Variants in ZEB2 observed in about 807,000 individuals in gnomAD.
ZEB2 encodes the protein zinc finger E-box-binding homeobox 2.
ZEB2 carries 6 observed loss-of-function variants against 99.9 expected under a neutral mutation model. The ratio of observed to expected loss-of-function variants is 0.06; its 90% CI spans 0.03 to 0.12. ZEB2 has a LOEUF of 0.12. ZEB2 is among the 10% of genes least tolerant of loss of function. The probability of loss-of-function intolerance (pLI) is 1.00; values close to 1 mark genes in which losing one functional copy is unlikely to be tolerated. For synonymous variants in ZEB2, 517 were observed against 542.5 expected, an observed-to-expected ratio of 0.95 and a Z score of 0.65; for missense variants, 969 against 1,502.8, an observed-to-expected ratio of 0.64 and a Z score of 5.87.
chr2:144,436,277 T>TAACA (rs1194508798), intron 2 of ZEB2, among the ~76,000 whole-genome samples: 2 of 152,212 alleles, frequency 1.3e-5, no homozygotes, highest in Non-Finnish European at 2.9e-5. Context: ...ATTGTTAACA[T>TAACA]ACTATAGTCA....
chr2:144,502,914 T>C (rs1381330228), intron 2 of ZEB2, among the ~76,000 whole-genome samples: 1 of 152,214 alleles, frequency 6.6e-6, no homozygotes, highest in East Asian at 1.9e-4. Context: ...ATAGGCTTTC[T>C]TTTATTACTG....
chr2:144,451,456 G>A (rs1271213932), intron 2 of ZEB2, among the ~76,000 whole-genome samples: 2 of 152,186 alleles, frequency 1.3e-5, no homozygotes, highest in Non-Finnish European at 2.9e-5. Context: ...AGTTAAAGGT[G>A]TTATTAGGCC....
chr2:144,512,251 G>A (rs1406718519), intron 2 of ZEB2: 2 of 1,287,058 alleles, frequency 1.6e-6, no homozygotes, highest in Non-Finnish European at 2.0e-6. Flanking sequence ...GAGAGGAAAA[G>A]GACAAAGAAT....
chr2:144,511,629 T>TG, intron 2 of ZEB2: 1 of 1,286,746 alleles, frequency 7.8e-7, no homozygotes, highest in Non-Finnish European at 1.0e-6. Context: ...ATTCAATAGA[T>TG]TTTCCAAGTG....
chr2:144,441,634 A>C (rs1703919551), intron 2 of ZEB2, among the ~76,000 whole-genome samples: 1 of 152,102 alleles, frequency 6.6e-6, no homozygotes, highest in Non-Finnish European at 1.5e-5. Flanking sequence ...ACTGTAAACA[A>C]ATGTACTTAC....
At chr2:144,519,381 C>CA (rs1705228666) in intron 1 of ZEB2, 2 of 152,052 alleles carry the variant, frequency 1.3e-5, no homozygotes, top group South Asian at 4.1e-4. Flanking sequence ...GCTAAGCAGA[C>CA]AAAAACAGAC....
At chr2:144,519,899 AG>A (rs917051019) in intron 1 of ZEB2, 39 bp downstream of exon 1, 3 of 424,170 alleles carry the variant, frequency 7.1e-6, no homozygotes, top group Admixed American at 2.8e-5. Context: ...CACACCAAAA[AG>A]GGATAAAAAG....
In ZEB2 at chr2:144,513,740, C is replaced by T. The variant is rs575160667; in HGVS notation, c.73+3538G>A. On this transcript the variant is annotated intron_variant, in intron 2 of 9. Transcript: ENST00000627532. Reference sequence around the variant, plus strand: ...TTTGCAAGTTACAAACGGGCCGCACCGGTGGCAAGCAGCAGCAGGGCATCT... The same window carrying T: ...TTTGCAAGTTACAAACGGGCCGCACTGGTGGCAAGCAGCAGCAGGGCATCT... 1.6e-4 allele frequency: 253 copies of T among 1,536,024 alleles called. No homozygotes were observed. Among genetic ancestry groups the T allele is most frequent in the Non-Finnish European group, 7.4e-5 (85 of 1,146,906 alleles).
chr2:144,429,732 T>C (rs1251132586), intron 3 of ZEB2, 37 bp downstream of exon 3: 2 of 1,613,548 alleles, frequency 1.2e-6, no homozygotes, highest in African/African-American at 1.3e-5. Flanking sequence ...GATGTGAAGA[T>C]GGTACAGGAA....
chr2:144,432,480 G>A (rs1274626021), intron 2 of ZEB2, among the ~76,000 whole-genome samples: 1 of 152,094 alleles, frequency 6.6e-6, no homozygotes, highest in Non-Finnish European at 1.5e-5. Flanking sequence ...GAATTCAAAT[G>A]AGACAATCTC....
rs1160829358 is a variant in ZEB2 at position 144,398,385 on chromosome 2, A to G, written c.2802T>C (p.His934=). 3 of 1,613,862 alleles carry G rather than the reference A, an allele frequency of 1.9e-6. No individual in the cohort carries two copies. Among genetic ancestry groups the G allele is most frequent in the South Asian group, 2.2e-5 (2 of 91,080 alleles). The change falls in exon 8 of 10, where the codon CAT becomes CAC. Residue 934 remains histidine, a synonymous_variant. Transcript: ENST00000627532. ...PGLDQMSFLP[H]MAYTYPTGAA... is the part of the protein sequence containing the mutation. ...CTCCAGTTGGGTAGGTGTAGGCCAT[A>G]TGTGGTAGGAAGCTCATCTGATCCA...
intron 2 of ZEB2, among the ~76,000 whole-genome samples, chr2:144,484,021 T>C (rs1301550493): frequency 6.6e-6 from 1 of 152,032 alleles, no homozygotes; most frequent in African/African-American, 2.4e-5. Context: ...TTGGAGAGAA[T>C]TGGGGTCCCA....
chr2:144,458,028 T>G (rs1232601020), intron 2 of ZEB2, among the ~76,000 whole-genome samples: 2 of 152,116 alleles, frequency 1.3e-5, no homozygotes, highest in Non-Finnish European at 2.9e-5. Flanking sequence ...TGTGGTACAT[T>G]CTGTAATATA....
intron 2 of ZEB2, among the ~76,000 whole-genome samples, chr2:144,458,706 A>G (rs1284270151): frequency 6.6e-6 from 1 of 152,148 alleles, no homozygotes; most frequent in Non-Finnish European, 1.5e-5. Context: ...GTTTAACTAA[A>G]TAATTTATGC....
At chr2:144,391,377 GA>G (rs1263609267) in intron 9 of ZEB2, among the ~76,000 whole-genome samples, 89 of 152,306 alleles carry the variant, frequency 5.8e-4, no homozygotes, top group African/African-American at 2.0e-3. Context: ...TGGAAGAGTG[GA>G]AATCAGAAAG....
intron 9 of ZEB2, 91 bp from the exon 10 acceptor site, chr2:144,390,119 A>T (rs1703137662): frequency 7.5e-7 from 1 of 1,328,676 alleles, no homozygotes; most frequent in East Asian, 2.4e-5. Flanking sequence ...ACTCAGGCAT[A>T]AGCGTGTGTA....
chr2:144,498,059 A>T (rs867609314), intron 2 of ZEB2, among the ~76,000 whole-genome samples: 3 of 72,234 alleles, frequency 4.2e-5, no homozygotes, highest in Non-Finnish European at 5.1e-5. Context: ...ATATTATATA[A>T]TATATATTAA....
At chr2:144,419,921 G>A (rs972090076) in intron 4 of ZEB2, among the ~76,000 whole-genome samples, 2 of 152,000 alleles carry the variant, frequency 1.3e-5, no homozygotes, top group African/African-American at 2.4e-5. Flanking sequence ...AAAAAAAAAT[G>A]TAGTGATACT....
chr2:144,467,425 G>A (rs535840787), intron 2 of ZEB2, among the ~76,000 whole-genome samples: 10 of 152,172 alleles, frequency 6.6e-5, no homozygotes, highest in South Asian at 2.1e-4. Context: ...TTTTGGAGGC[G>A]GATAGTGGGG....
Sources: gnomAD v4.1 joint callset for allele counts (sites outside exome capture counted in the v4.1 genomes callset) on GRCh38, gnomAD v4.1.1 for gene constraint, MANE v1.5 for transcripts, NCBI Gene and HGNC (gene_info 2026-07-23, HGNC 2026-07-21) for gene names.